Variants in LGSN observed in about 807,000 individuals in gnomAD.
LGSN encodes lengsin, lens protein with glutamine synthetase domain, also known as lengsin.
A neutral mutation model predicts 19.5 loss-of-function variants in LGSN; 21 were observed. The observed-to-expected ratio is 1.07, with a 90% CI of 0.76 to 1.55. The LOEUF is 1.55. LGSN is among the 40% of genes most tolerant of loss of function. LGSN has a pLI of 0.00. For missense variants in LGSN, 673 were observed against 608.5 expected, an observed-to-expected ratio of 1.11 and a Z score of -1.12; for synonymous variants, 257 against 215.6, an observed-to-expected ratio of 1.19 and a Z score of -1.68.
At chr6:63,542,022 GGTGTGTGTGTGT>G in the LGSN span, among the ~76,000 whole-genome samples, 64 of 146,844 alleles carry the variant, frequency 4.4e-4, no homozygotes, top group African/African-American at 1.3e-3. Context: ...AAGAAACTGT[GGTGTGTGTGTGT>G]GTGTGTGTGT....
At chr6:63,390,228 C>T in the LGSN span, among the ~76,000 whole-genome samples, 10 of 141,610 alleles carry the variant, frequency 7.1e-5, no homozygotes, top group South Asian at 1.4e-3. Flanking sequence ...CTTCCAGGGT[C>T]AAGCGATTCT....
At chr6:63,470,362 T>C in the LGSN span, among the ~76,000 whole-genome samples, 1 of 151,760 alleles carries the variant, frequency 6.6e-6, no homozygotes, top group East Asian at 1.9e-4. Flanking sequence ...TAGTCTCAGC[T>C]ACTCAGGAGG....
chr6:63,459,627 G>C, the LGSN span, among the ~76,000 whole-genome samples: 4 of 151,394 alleles, frequency 2.6e-5, no homozygotes, highest in Admixed American at 1.3e-4. Context: ...TTTTGAAGTA[G>C]AACTTCCTTT....
the LGSN span, among the ~76,000 whole-genome samples, chr6:63,388,760 C>T: frequency 6.6e-6 from 1 of 152,080 alleles, no homozygotes; most frequent in East Asian, 1.9e-4. Context: ...TAAATAATGG[C>T]CAAGGGATAA....
rs1424171464 is a variant in LGSN at position 63,277,275 on chromosome 6, G to A, written c.*2746C>T. On this transcript the variant is annotated 3_prime_UTR_variant, in exon 4 of 4. Transcript: ENST00000370657. ...CAATGCATTAGACATGTTTCATTAA[G>A]GCCCGTGGACTATAAAGGGATATGC... 6.6e-6 allele frequency: 1 copy of A among 152,160 alleles called. No individual in the cohort carries two copies. Among genetic ancestry groups the A allele is most frequent in the Non-Finnish European group, 1.5e-5 (1 of 68,048 alleles). The allele number at this position is 152,160 out of a possible 1,614,324, so 9.4% of individuals were successfully genotyped here. A position where few individuals can be genotyped will look rare whatever the true frequency, so the allele number is the denominator to read the frequency against.
the LGSN span, among the ~76,000 whole-genome samples, chr6:63,422,440 C>A: frequency 1.3e-5 from 2 of 152,108 alleles, no homozygotes; most frequent in Admixed American, 1.3e-4. Context: ...AGTGGGTAGG[C>A]TGTATATATG....
the LGSN span, among the ~76,000 whole-genome samples, chr6:63,530,052 T>C: frequency 6.6e-5 from 10 of 152,124 alleles, no homozygotes; most frequent in Admixed American, 4.6e-4. Flanking sequence ...AGATTAACTG[T>C]TTCTCGAGAT....
the LGSN span, chr6:63,394,933 C>T: frequency 9.6e-3 from 1,473 of 153,262 alleles, 11 homozygotes; most frequent in Non-Finnish European, 0.013. Context: ...GCTGGGGATC[C>T]ACCTCCTCGC....
chr6:63,347,318 C>CA, the LGSN span, among the ~76,000 whole-genome samples: 729 of 151,238 alleles, frequency 4.8e-3, 6 homozygotes, highest in African/African-American at 0.011. Context: ...TTTTTTAAAA[C>CA]AAAAAAAAGA....
the LGSN span, among the ~76,000 whole-genome samples, chr6:63,412,471 AGAG>A: frequency 2.2e-5 from 3 of 135,378 alleles, no homozygotes; most frequent in South Asian, 2.3e-4. Flanking sequence ...AGAAAAAGAG[AGAG>A]AAGAAAGAGA....
chr6:63,313,849 T>C lies in LGSN; in HGVS notation c.30+6065A>G, dbSNP rs531256256. The stretch of plus-strand genomic sequence containing the variant: ...AGACCCTGTCTCAAAAATAAATAAA[T>C]AAATAAATAAATAAATAAATACATA... On this transcript the variant is annotated intron_variant, in intron 1 of 3. Transcript: ENST00000370657. Among the ~76,000 whole-genome samples the C allele has an allele frequency of 7.4e-4, 111 of 149,390 alleles. 1 individual carries two copies. Among genetic ancestry groups the C allele is most frequent in the South Asian group, 7.1e-3 (34 of 4,756 alleles).
the LGSN span, among the ~76,000 whole-genome samples, chr6:63,514,015 T>TTA: frequency 1.3e-5 from 2 of 151,768 alleles, no homozygotes; most frequent in Non-Finnish European, 2.9e-5. Flanking sequence ...AAGATATTAC[T>TTA]TATATAAATA....
At chr6:63,572,548 C>G in the LGSN span, 7 of 397,884 alleles carry the variant, frequency 1.8e-5, no homozygotes, top group Admixed American at 1.8e-4. Flanking sequence ...CCGAGCCGCT[C>G]ACTGCATGGT....
the LGSN span, among the ~76,000 whole-genome samples, chr6:63,404,075 T>C: frequency 6.6e-6 from 1 of 152,070 alleles, no homozygotes; most frequent in Non-Finnish European, 1.5e-5. Flanking sequence ...AGGAATATAT[T>C]TCCCTGATGA....
the LGSN span, among the ~76,000 whole-genome samples, chr6:63,568,202 T>G: frequency 1.3e-5 from 2 of 152,234 alleles, no homozygotes; most frequent in Non-Finnish European, 1.5e-5. Context: ...CTGTTTTGGG[T>G]ATGAGGCCTA....
chr6:63,556,187 AT>A, the LGSN span, among the ~76,000 whole-genome samples: 1 of 151,976 alleles, frequency 6.6e-6, no homozygotes, highest in African/African-American at 2.4e-5. Context: ...TGATTTATTT[AT>A]TTTGAGACAG....
At chr6:63,314,034 T>C (rs750766120) in intron 1 of LGSN, among the ~76,000 whole-genome samples, 1 of 151,962 alleles carries the variant, frequency 6.6e-6, no homozygotes, top group Non-Finnish European at 1.5e-5. Context: ...AATAAAGGAA[T>C]TAACTTTAAT....
intron 2 of LGSN, among the ~76,000 whole-genome samples, chr6:63,293,324 C>T (rs1265160875): frequency 6.6e-6 from 1 of 152,088 alleles, no homozygotes; most frequent in Non-Finnish European, 1.5e-5. Context: ...AACTAATTTC[C>T]AGCATTTTAA....
the LGSN span, among the ~76,000 whole-genome samples, chr6:63,400,991 T>C: frequency 6.6e-6 from 1 of 152,144 alleles, no homozygotes; most frequent in African/African-American, 2.4e-5. Flanking sequence ...CAAGACTCTG[T>C]GTTTAAAAAA....
Sources: gnomAD v4.1 joint callset for allele counts (sites outside exome capture counted in the v4.1 genomes callset) on GRCh38, gnomAD v4.1.1 for gene constraint, MANE v1.5 for transcripts, NCBI Gene and HGNC (gene_info 2026-07-23, HGNC 2026-07-21) for gene names.